Variants in GPC6 observed in about 807,000 individuals in gnomAD.
The protein encoded by GPC6 is glypican 6, also known as glypican-6.
GPC6 carries 14 observed loss-of-function variants against 55.2 expected under a neutral mutation model. The observed-to-expected ratio is 0.25, with a 90% CI of 0.17 to 0.40. The LOEUF is 0.40. GPC6 is among the 10% of genes least tolerant of loss of function. The probability of loss-of-function intolerance (pLI) is 1.00; values close to 1 mark genes in which losing one functional copy is unlikely to be tolerated. For synonymous variants in GPC6, 278 were observed against 259.6 expected (o/e 1.07, Z -0.68); for missense variants, 641 against 708.5 (o/e 0.90, Z 1.08).
In GPC6 at chr13:93,411,131, G is replaced by A. The variant is rs79328298; in HGVS notation, c.161-134132G>A. ...TAAGATATTTCCTCGAAGGCTGGTC[G>A]AGTCCAAAACTGGCTTCCCATTTCT... is the stretch of plus-strand genomic sequence containing the variant. On this transcript the variant is annotated intron_variant, in intron 1 of 8. Coordinates refer to ENST00000377047, the MANE Select transcript of GPC6 (RefSeq NM_005708.5). 6.8e-3 allele frequency among the ~76,000 whole-genome samples: 1,035 copies of A among 152,246 alleles called. 4 individuals are homozygous for A. Among genetic ancestry groups the A allele is most frequent in the Non-Finnish European group, 0.012 (805 of 68,022 alleles).
At position 94,302,557 on chromosome 13, in the gene GPC6, G is replaced by A. The variant is rs569450754; in HGVS notation, c.1009-3423G>A. On this transcript the variant is annotated intron_variant, in intron 5 of 8. Transcript: ENST00000377047. ...TGTAAGTCATCTAAGTTATATGATG[G>A]ATATATGTTAAGGTATATTCTCAGT... Among the ~76,000 whole-genome samples the A allele has an allele frequency of 1.3e-5, 2 of 152,242 alleles. 1 individual carries two copies. The highest frequency in any genetic ancestry group is 4.2e-4 in the South Asian group (2 of 4,814).
chr13:93,527,931 A>G (rs923792441), intron 1 of GPC6, among the ~76,000 whole-genome samples: 7 of 152,156 alleles, frequency 4.6e-5, no homozygotes, highest in African/African-American at 1.4e-4. Flanking sequence ...ATTTCTAGCC[A>G]CTTTGCCTTT....
intron 1 of GPC6, among the ~76,000 whole-genome samples, chr13:93,244,317 A>C (rs1015243115): frequency 5.3e-5 from 8 of 152,180 alleles, no homozygotes; most frequent in Non-Finnish European, 8.8e-5. Flanking sequence ...CACACACTGC[A>C]AGACTTCCCC....
intron 3 of GPC6, among the ~76,000 whole-genome samples, chr13:93,940,435 T>C (rs1202348735): frequency 2.6e-5 from 4 of 151,778 alleles, no homozygotes; most frequent in Non-Finnish European, 4.4e-5. Context: ...GATGGATGGA[T>C]GGATGGATGG....
chr13:93,659,729 T>C (rs1407132979), intron 2 of GPC6, among the ~76,000 whole-genome samples: 7 of 152,016 alleles, frequency 4.6e-5, no homozygotes, highest in Admixed American at 4.6e-4. Context: ...CACAGAGATA[T>C]TAAGTAATTT....
intron 1 of GPC6, among the ~76,000 whole-genome samples, chr13:93,259,288 A>G (rs895433705): frequency 6.6e-6 from 1 of 152,146 alleles, no homozygotes; most frequent in African/African-American, 2.4e-5. Flanking sequence ...GAGCAGCTCT[A>G]TGGAACTTTA....
intron 6 of GPC6, among the ~76,000 whole-genome samples, chr13:94,316,574 G>C (rs1446731591): frequency 6.6e-6 from 1 of 151,650 alleles, no homozygotes. Flanking sequence ...AAAATTAGCC[G>C]GGCGTAGTGG....
chr13:94,213,386 C>A (rs1036484945), intron 4 of GPC6, among the ~76,000 whole-genome samples: 1 of 152,228 alleles, frequency 6.6e-6, no homozygotes, highest in Non-Finnish European at 1.5e-5. Context: ...AAACCAAGAA[C>A]TTTATGCACG....
chr13:94,150,842 TGAGTAA>T (rs1555301333), intron 4 of GPC6, among the ~76,000 whole-genome samples: 3 of 85,204 alleles, frequency 3.5e-5, no homozygotes, highest in Admixed American at 1.1e-4. Flanking sequence ...GTTTATTGAA[TGAGTAA>T]ATAAACGAAT....
At chr13:94,300,477 C>T (rs1451352769) in intron 5 of GPC6, among the ~76,000 whole-genome samples, 1 of 152,188 alleles carries the variant, frequency 6.6e-6, no homozygotes, top group Non-Finnish European at 1.5e-5. Context: ...AAATGTTTCT[C>T]CTTTCAGCCC....
chr13:94,188,146 T>C (rs1431141094), intron 4 of GPC6, among the ~76,000 whole-genome samples: 1 of 152,156 alleles, frequency 6.6e-6, no homozygotes, highest in Non-Finnish European at 1.5e-5. Flanking sequence ...ATATTACAAA[T>C]GATACTCACT....
At chr13:93,468,898 CTAAT>C (rs1879009793) in intron 1 of GPC6, among the ~76,000 whole-genome samples, 2 of 152,106 alleles carry the variant, frequency 1.3e-5, no homozygotes, top group Admixed American at 1.3e-4. Flanking sequence ...GCAAATGACA[CTAAT>C]TAGACTGTGG....
At position 93,715,955 on chromosome 13, in the gene GPC6, G is replaced by T. The variant is rs1284256312; in HGVS notation, c.320-114199G>T. The stretch of plus-strand genomic sequence containing the variant: ...CATATACAGTCATGCATTGAATAAG[G>T]ATGTTTCAGTCAATGAAGGACTGCA... On this transcript the variant is annotated intron_variant, in intron 2 of 8. Transcript: ENST00000377047. 7.3e-5 allele frequency among the ~76,000 whole-genome samples: 11 copies of T among 151,510 alleles called. 1 individual carries two copies. In the Admixed American group the frequency reaches 7.3e-4, roughly 10 times the overall value.
intron 3 of GPC6, among the ~76,000 whole-genome samples, chr13:93,960,346 A>C (rs765607914): frequency 2.6e-5 from 4 of 152,240 alleles, no homozygotes; most frequent in Non-Finnish European, 5.9e-5. Context: ...AATCCTGCCC[A>C]TAACCCATCA....
At chr13:93,957,430 G>T (rs185131079) in intron 3 of GPC6, among the ~76,000 whole-genome samples, 1 of 152,206 alleles carries the variant, frequency 6.6e-6, no homozygotes. Flanking sequence ...TTATGTCCAT[G>T]TGTGCCCAAT....
intron 6 of GPC6, among the ~76,000 whole-genome samples, chr13:94,373,154 C>G (rs570954051): frequency 1.4e-4 from 21 of 152,220 alleles, no homozygotes; most frequent in African/African-American, 4.3e-4. Context: ...AAAAGCAGAG[C>G]GCCTCTCCTC....
At chr13:93,641,437 AC>A (rs1469605041) in intron 2 of GPC6, among the ~76,000 whole-genome samples, 1 of 152,120 alleles carries the variant, frequency 6.6e-6, no homozygotes, top group Non-Finnish European at 1.5e-5. Context: ...TTACTGAGCA[AC>A]TTTTGGCAAC....
chr13:94,259,604 A>AT, intron 4 of GPC6, among the ~76,000 whole-genome samples: 1 of 152,086 alleles, frequency 6.6e-6, no homozygotes. Flanking sequence ...CAATTCCAGA[A>AT]TTTTTCATTG....
intron 4 of GPC6, among the ~76,000 whole-genome samples, chr13:94,168,838 G>C (rs1034974492): frequency 6.6e-6 from 1 of 151,494 alleles, no homozygotes; most frequent in African/African-American, 2.4e-5. Context: ...AAAGATTAAA[G>C]TGAAAACACT....
Sources: allele counts gnomAD v4.1 joint callset (sites outside exome capture counted in the v4.1 genomes callset), GRCh38; gene constraint gnomAD v4.1.1; transcripts MANE v1.5; gene names NCBI Gene and HGNC (gene_info 2026-07-23, HGNC 2026-07-21).